DLG2: variants seen among roughly 807,000 people sequenced by gnomAD.
DLG2 encodes the protein discs large MAGUK scaffold protein 2, also known as disks large homolog 2.
Under a neutral mutation model 132.5 loss-of-function variants are expected in DLG2, and 45 were observed. That is an observed-to-expected ratio of 0.34 (90% CI 0.27 to 0.44). DLG2 has a LOEUF of 0.44. DLG2 is among the 20% of genes least tolerant of loss of function. The pLI, the probability that DLG2 is intolerant of heterozygous loss-of-function variation, is 1.00. For synonymous variants in DLG2, 424 were observed against 419.6 expected (o/e 1.01, Z -0.13); for missense variants, 1,045 against 1,196.9 (o/e 0.87, Z 1.87).
intron 7 of DLG2, among the ~76,000 whole-genome samples, chr11:84,323,981 C>A (rs1050629695): frequency 6.6e-6 from 1 of 151,896 alleles, no homozygotes; most frequent in Non-Finnish European, 1.5e-5. Context: ...GTATATACTT[C>A]GCAAATATTT....
intron 19 of DLG2, among the ~76,000 whole-genome samples, chr11:83,613,015 G>T (rs1244199795): frequency 2.0e-5 from 3 of 152,196 alleles, no homozygotes; most frequent in Non-Finnish European, 4.4e-5. Flanking sequence ...CCATTTTCAC[G>T]TGGAAACAGA....
chr11:84,100,924 G>C (rs946046328), intron 9 of DLG2, among the ~76,000 whole-genome samples: 1 of 152,056 alleles, frequency 6.6e-6, no homozygotes, highest in African/African-American at 2.4e-5. Context: ...ATGTTGAAAG[G>C]GTGAAATGAA....
intron 9 of DLG2, among the ~76,000 whole-genome samples, chr11:84,149,391 G>T (rs112885195): frequency 6.6e-6 from 1 of 152,060 alleles, no homozygotes; most frequent in African/African-American, 2.4e-5. Flanking sequence ...GTTAAATTTT[G>T]TATATGATAA....
chr11:85,618,306 T>C (rs1438721192), intron 2 of DLG2, among the ~76,000 whole-genome samples: 1 of 152,200 alleles, frequency 6.6e-6, no homozygotes, highest in Admixed American at 6.5e-5. Context: ...TAAAAAATAT[T>C]TTGTAATCAC....
intron 8 of DLG2, among the ~76,000 whole-genome samples, chr11:84,215,081 A>G (rs1434514536): frequency 6.6e-6 from 1 of 152,220 alleles, no homozygotes; most frequent in African/African-American, 2.4e-5. Flanking sequence ...AACTTCAAAG[A>G]AAAACACAGA....
intron 15 of DLG2, among the ~76,000 whole-genome samples, chr11:83,877,839 G>C (rs1290330756): frequency 6.6e-6 from 1 of 152,182 alleles, no homozygotes; most frequent in Non-Finnish European, 1.5e-5. Context: ...AGGGATGCTT[G>C]TAGTGGATGT....
chr11:85,406,358 C>T (rs1288224903), intron 3 of DLG2, among the ~76,000 whole-genome samples: 1 of 151,524 alleles, frequency 6.6e-6, no homozygotes, highest in Non-Finnish European at 1.5e-5. Context: ...ATGAGAGAAT[C>T]TCAGAGTCAG....
At chr11:84,541,428 G>T (rs1222780803) in intron 6 of DLG2, among the ~76,000 whole-genome samples, 2 of 151,866 alleles carry the variant, frequency 1.3e-5, no homozygotes, top group Non-Finnish European at 2.9e-5. Context: ...AACTTTTTTA[G>T]GTCCTTGATT....
At chr11:85,137,962 T>C (rs900994183) in intron 5 of DLG2, among the ~76,000 whole-genome samples, 1 of 151,944 alleles carries the variant, frequency 6.6e-6, no homozygotes, top group Non-Finnish European at 1.5e-5. Flanking sequence ...AGGACAGTAA[T>C]GGATCCCGAA....
At chr11:84,287,741 G>GACACACACACACACACAC (rs373708341) in intron 7 of DLG2, among the ~76,000 whole-genome samples, 6 of 139,292 alleles carry the variant, frequency 4.3e-5, no homozygotes, top group Non-Finnish European at 6.2e-5. Flanking sequence ...CTCTCTCTTA[G>GACACACACACACACACAC]ACACACACAC....
chr11:85,195,361 A>C (rs931185042), intron 4 of DLG2, among the ~76,000 whole-genome samples: 1 of 152,088 alleles, frequency 6.6e-6, no homozygotes, highest in Non-Finnish European at 1.5e-5. Flanking sequence ...TAACCTCCCC[A>C]CTGAAGCCAG....
chr11:84,516,031 G>A (rs1391581793), intron 7 of DLG2, among the ~76,000 whole-genome samples: 2 of 151,382 alleles, frequency 1.3e-5, no homozygotes, highest in African/African-American at 4.8e-5. Context: ...AATATCTGTT[G>A]AGACAAATGA....
chr11:84,654,463 T>C (rs1385288892), intron 6 of DLG2, among the ~76,000 whole-genome samples: 7 of 152,182 alleles, frequency 4.6e-5, no homozygotes, highest in Non-Finnish European at 1.0e-4. Flanking sequence ...GATCCCTACT[T>C]TCTTATCTGT....
intron 6 of DLG2, among the ~76,000 whole-genome samples, chr11:84,974,822 C>T (rs895459282): frequency 1.3e-5 from 2 of 152,174 alleles, no homozygotes; most frequent in African/African-American, 2.4e-5. Flanking sequence ...AACTGTGATG[C>T]ATGCTAGAGT....
chr11:83,602,535 A>G (rs974595755), intron 19 of DLG2, among the ~76,000 whole-genome samples: 4 of 152,252 alleles, frequency 2.6e-5, no homozygotes, highest in Non-Finnish European at 5.9e-5. Flanking sequence ...CTGCAGGAGA[A>G]AACGTTAAAC....
At chr11:84,650,873 G>GTGTGTGTATATATATATATATATA (rs1424393386) in intron 6 of DLG2, among the ~76,000 whole-genome samples, 10 of 124,004 alleles carry the variant, frequency 8.1e-5, no homozygotes, top group African/African-American at 3.2e-4. Flanking sequence ...GTGTGTGTGT[G>GTGTGTGTATATATATATATATATA]TATATATATA....
intron 6 of DLG2, among the ~76,000 whole-genome samples, chr11:84,591,949 G>A (rs1371552147): frequency 6.6e-6 from 1 of 152,074 alleles, no homozygotes; most frequent in East Asian, 1.9e-4. Flanking sequence ...TGCTTCCTGG[G>A]TTTAAGCCAT....
intron 16 of DLG2, among the ~76,000 whole-genome samples, chr11:83,849,608 T>C (rs1339463197): frequency 6.6e-6 from 1 of 152,122 alleles, no homozygotes; most frequent in East Asian, 1.9e-4. Flanking sequence ...GAAGGTTTGC[T>C]GAAGGAGATC....
intron 6 of DLG2, among the ~76,000 whole-genome samples, chr11:84,619,755 T>A (rs1301717942): frequency 1.3e-5 from 2 of 151,730 alleles, no homozygotes; most frequent in African/African-American, 4.8e-5. Context: ...ATGCTTTTTT[T>A]AAATGTAAAA....
Sources: gnomAD v4.1 joint callset for allele counts (sites outside exome capture counted in the v4.1 genomes callset) on GRCh38, gnomAD v4.1.1 for gene constraint, MANE v1.5 for transcripts, NCBI Gene and HGNC (gene_info 2026-07-23, HGNC 2026-07-21) for gene names.